Variants in MARCHF1 observed in about 807,000 individuals in gnomAD.
MARCHF1 encodes E3 ubiquitin-protein ligase MARCHF1.
MARCHF1 carries 40 observed loss-of-function variants against 54.2 expected under a neutral mutation model. The observed-to-expected ratio is 0.74, with a 90% CI of 0.57 to 0.96. MARCHF1 has a LOEUF of 0.96. MARCHF1 is among the 40% of genes least tolerant of loss of function. The pLI is 0.00. For missense variants in MARCHF1, 586 were observed against 656.5 expected (o/e 0.89, Z 1.17); for synonymous variants, 236 against 236.3 (o/e 1.00, Z 0.01).
chr4:164,050,365 C>T (rs1369181572), intron 2 of MARCHF1, among the ~76,000 whole-genome samples: 1 of 147,484 alleles, frequency 6.8e-6, no homozygotes, highest in African/African-American at 2.5e-5. Flanking sequence ...ACGGCATTTC[C>T]ATTTCTTCAA....
At chr4:163,546,365 A>G (rs1353342743) in intron 8 of MARCHF1, among the ~76,000 whole-genome samples, 2 of 152,214 alleles carry the variant, frequency 1.3e-5, no homozygotes, top group African/African-American at 2.4e-5. Context: ...TTGCAAGTCT[A>G]TAGTTTCCTC....
chr4:164,052,135 G>GT (rs5863653), intron 2 of MARCHF1, among the ~76,000 whole-genome samples: 47,981 of 123,516 alleles, frequency 0.39, 7,945 homozygotes, highest in Middle Eastern at 0.48. Context: ...TCTTTTGGAA[G>GT]TTTTTTTTTT....
chr4:164,143,936 T>G (rs888862790), intron 1 of MARCHF1, among the ~76,000 whole-genome samples: 6 of 152,148 alleles, frequency 3.9e-5, no homozygotes, highest in Admixed American at 6.5e-5. Context: ...CCATCTCACG[T>G]GCAGAGACAC....
intron 4 of MARCHF1, among the ~76,000 whole-genome samples, chr4:163,801,546 T>C (rs930727978): frequency 1.3e-5 from 2 of 152,100 alleles, no homozygotes; most frequent in African/African-American, 4.8e-5. Context: ...TTAAGGTATA[T>C]CATAACATCA....
chr4:163,566,589 T>C (rs1336902115), intron 8 of MARCHF1, among the ~76,000 whole-genome samples: 2 of 152,176 alleles, frequency 1.3e-5, no homozygotes, highest in East Asian at 1.9e-4. Flanking sequence ...GGATGCCTAA[T>C]AGATGGACCC....
At chr4:163,733,216 TATATAC>T (rs1561047008) in intron 4 of MARCHF1, among the ~76,000 whole-genome samples, 3 of 25,492 alleles carry the variant, frequency 1.2e-4, no homozygotes, top group Admixed American at 4.3e-4. Context: ...TATATATATA[TATATAC>T]ACGTGTATAT....
chr4:164,199,243 C>T (rs1054430513), intron 1 of MARCHF1, among the ~76,000 whole-genome samples: 2 of 152,144 alleles, frequency 1.3e-5, no homozygotes, highest in African/African-American at 4.8e-5. Context: ...GGATTTCAAA[C>T]CTTCAACATT....
At chr4:163,541,375 T>C (rs145233017) in intron 9 of MARCHF1, among the ~76,000 whole-genome samples, 1 of 152,366 alleles carries the variant, frequency 6.6e-6, no homozygotes, top group East Asian at 1.9e-4. Context: ...TGTTTTTGGT[T>C]TGTATTTTTG....
chr4:164,276,947 T>TATATATATATATATATAG lies in MARCHF1; in HGVS notation c.-323+106922_-323+106923insCTATATATATATATATAT, dbSNP rs1392528920. On this transcript the variant is annotated intron_variant, in intron 1 of 9. Transcript: ENST00000514618. ...ATGTCTCATATTCTATATATATATA[T>TATATATATATATATATAG]AGAGAGAGAGAGAGAGAGAGACAGA... 3.8e-3 allele frequency among the ~76,000 whole-genome samples: 446 copies of TATATATATATATATATAG among 118,678 alleles called. 4 individuals are homozygous for TATATATATATATATATAG. Among genetic ancestry groups the TATATATATATATATATAG allele is most frequent in the South Asian group, 0.021 (60 of 2,862 alleles). 77.9% of individuals were successfully genotyped at this position (118,678 alleles called of 152,430 possible). A position where few individuals can be genotyped will look rare whatever the true frequency, so the allele number is the denominator to read the frequency against.
At chr4:164,328,858 G>T (rs1735353107) in intron 1 of MARCHF1, among the ~76,000 whole-genome samples, 1 of 152,066 alleles carries the variant, frequency 6.6e-6, no homozygotes, top group African/African-American at 2.4e-5. Context: ...CAAATTAAAT[G>T]TGGCTTTATA....
At chr4:163,918,647 T>C (rs1751361868) in intron 3 of MARCHF1, among the ~76,000 whole-genome samples, 1 of 152,148 alleles carries the variant, frequency 6.6e-6, no homozygotes, top group African/African-American at 2.4e-5. Context: ...GTGTGTAATG[T>C]TTTCTTCTTT....
chr4:164,017,759 AAGT>A (rs1364265989), intron 2 of MARCHF1, among the ~76,000 whole-genome samples: 2 of 151,760 alleles, frequency 1.3e-5, no homozygotes, highest in East Asian at 3.9e-4. Context: ...GTAACAAGCA[AAGT>A]CTTAGTACCC....
intron 4 of MARCHF1, among the ~76,000 whole-genome samples, chr4:163,787,297 A>C (rs1352558351): frequency 6.6e-6 from 1 of 151,760 alleles, no homozygotes; most frequent in Non-Finnish European, 1.5e-5. Flanking sequence ...AGGCAATGTA[A>C]AAAAGGGACA....
intron 2 of MARCHF1, among the ~76,000 whole-genome samples, chr4:164,030,969 G>C (rs1753864446): frequency 6.6e-6 from 1 of 152,000 alleles, no homozygotes. Context: ...TTAAGGAGTG[G>C]GCTGAGACAA....
intron 4 of MARCHF1, among the ~76,000 whole-genome samples, chr4:163,831,930 T>C (rs1173174095): frequency 6.6e-6 from 1 of 152,134 alleles, no homozygotes; most frequent in East Asian, 1.9e-4. Flanking sequence ...AGCTTGGAGT[T>C]TGTGTTATAG....
chr4:164,204,233 A>C (rs1731545059), intron 1 of MARCHF1, among the ~76,000 whole-genome samples: 1 of 152,216 alleles, frequency 6.6e-6, no homozygotes, highest in Admixed American at 6.5e-5. Flanking sequence ...TCAAAGTAAA[A>C]AACAACAAAC....
chr4:163,923,960 T>C (rs938822894), intron 3 of MARCHF1, among the ~76,000 whole-genome samples: 6 of 152,036 alleles, frequency 3.9e-5, no homozygotes, highest in Admixed American at 3.9e-4. Context: ...TTTTATATCA[T>C]CTACCATTGT....
chr4:163,851,825 T>C (rs11100520), intron 4 of MARCHF1, among the ~76,000 whole-genome samples: 58,216 of 152,042 alleles, frequency 0.38, 12,073 homozygotes, highest in Non-Finnish European at 0.48. Context: ...CCATTTCCCC[T>C]GTGGCCATGT....
intron 3 of MARCHF1, among the ~76,000 whole-genome samples, chr4:163,943,576 T>C (rs1751958908): frequency 6.6e-6 from 1 of 151,976 alleles, no homozygotes; most frequent in African/African-American, 2.4e-5. Flanking sequence ...GCTGTTTTGG[T>C]TACTGTAGAT....
Sources: allele counts gnomAD v4.1 joint callset (sites outside exome capture counted in the v4.1 genomes callset), GRCh38; gene constraint gnomAD v4.1.1; transcripts MANE v1.5; gene names NCBI Gene and HGNC (gene_info 2026-07-23, HGNC 2026-07-21).